Variants in BRINP3 observed in about 807,000 individuals in gnomAD.
BRINP3 encodes the protein BMP/retinoic acid-inducible neural-specific protein 3.
A neutral mutation model predicts 71.0 loss-of-function variants in BRINP3; 19 were observed. The observed-to-expected ratio is 0.27, with a 90% confidence interval of 0.19 to 0.39. The LOEUF is 0.39. Among genes scored for constraint, BRINP3 ranks in the 10% least tolerant of loss-of-function variants. The pLI is 1.00. For synonymous variants in BRINP3, 380 were observed against 337.7 expected, an observed-to-expected ratio of 1.13 and a Z score of -1.37; for missense variants, 959 against 940.8, an observed-to-expected ratio of 1.02 and a Z score of -0.25.
intron 2 of BRINP3, among the ~76,000 whole-genome samples, chr1:190,357,395 T>G (rs1484476216): frequency 1.3e-5 from 2 of 152,020 alleles, no homozygotes; most frequent in Non-Finnish European, 2.9e-5. Flanking sequence ...TTTCATTTAC[T>G]TAACTGTCTA....
At chr1:190,264,173 C>T (rs1258804590) in intron 4 of BRINP3, among the ~76,000 whole-genome samples, 4 of 151,950 alleles carry the variant, frequency 2.6e-5, no homozygotes, top group African/African-American at 9.7e-5. Context: ...ACAATTTCTC[C>T]TCTCTGTCTC....
At chr1:190,404,675 AGTT>A (rs1672145827) in intron 2 of BRINP3, among the ~76,000 whole-genome samples, 1 of 152,198 alleles carries the variant, frequency 6.6e-6, no homozygotes, top group Non-Finnish European at 1.5e-5. Flanking sequence ...AAACCCTGTG[AGTT>A]TGCCAGAGAA....
chr1:190,136,517 T>C (rs1654989591), intron 7 of BRINP3, among the ~76,000 whole-genome samples: 1 of 152,162 alleles, frequency 6.6e-6, no homozygotes, highest in South Asian at 2.1e-4. Context: ...GCTCACCTTC[T>C]TCCCTGCCTT....
chr1:190,184,602 C>G (rs1278678059), intron 6 of BRINP3, among the ~76,000 whole-genome samples: 1 of 152,064 alleles, frequency 6.6e-6, no homozygotes, highest in Non-Finnish European at 1.5e-5. Flanking sequence ...CAGCTGGAGG[C>G]CAATACCCTA....
At chr1:190,446,380 C>G (rs1216983331) in intron 2 of BRINP3, among the ~76,000 whole-genome samples, 1 of 151,910 alleles carries the variant, frequency 6.6e-6, no homozygotes, top group African/African-American at 2.4e-5. Flanking sequence ...TATAGTAAAC[C>G]AACCAACTAG....
At chr1:190,128,788 C>T (rs1654295131) in intron 7 of BRINP3, among the ~76,000 whole-genome samples, 1 of 151,682 alleles carries the variant, frequency 6.6e-6, no homozygotes, top group Non-Finnish European at 1.5e-5. Context: ...TAATGTCTGA[C>T]ATATGTGATG....
chr1:190,248,424 CA>C (rs1421935511), intron 4 of BRINP3, among the ~76,000 whole-genome samples: 2 of 151,394 alleles, frequency 1.3e-5, no homozygotes, highest in Non-Finnish European at 3.0e-5. Flanking sequence ...TATATTTCAC[CA>C]AAAAACTCTA....
At chr1:190,350,879 A>G (rs957127974) in intron 2 of BRINP3, among the ~76,000 whole-genome samples, 5 of 149,972 alleles carry the variant, frequency 3.3e-5, no homozygotes, top group African/African-American at 1.2e-4. Flanking sequence ...CTAGAATGCA[A>G]TGGTGCAAAC....
At chr1:190,322,022 TTA>T (rs1558180540) in intron 2 of BRINP3, among the ~76,000 whole-genome samples, 1 of 152,026 alleles carries the variant, frequency 6.6e-6, no homozygotes, top group African/African-American at 2.4e-5. Flanking sequence ...AAATCTATTT[TTA>T]TATATGTGTG....
intron 2 of BRINP3, among the ~76,000 whole-genome samples, chr1:190,443,240 C>T (rs938902215): frequency 7.2e-5 from 11 of 151,842 alleles, no homozygotes; most frequent in African/African-American, 2.7e-4. Flanking sequence ...TCAGTCTCTA[C>T]TAAAAATATA....
intron 2 of BRINP3, among the ~76,000 whole-genome samples, chr1:190,413,645 A>G (rs1363454534): frequency 6.6e-6 from 1 of 152,162 alleles, no homozygotes; most frequent in African/African-American, 2.4e-5. Context: ...TAGAGTCTTC[A>G]CAGGGAGCAC....
chr1:190,398,498 T>C (rs2102343449), intron 2 of BRINP3, among the ~76,000 whole-genome samples: 1 of 152,048 alleles, frequency 6.6e-6, no homozygotes, highest in East Asian at 1.9e-4. Context: ...AACAAATGAG[T>C]ATACGCATTC....
chr1:190,141,540 CTCTT>C (rs1374702918), intron 7 of BRINP3, among the ~76,000 whole-genome samples: 6 of 145,858 alleles, frequency 4.1e-5, no homozygotes, highest in Non-Finnish European at 7.5e-5. Flanking sequence ...CTTTCTCTCT[CTCTT>C]TCTTTCTTTC....
intron 2 of BRINP3, among the ~76,000 whole-genome samples, chr1:190,438,119 G>T (rs1007942249): frequency 1.3e-5 from 2 of 151,110 alleles, no homozygotes; most frequent in Non-Finnish European, 3.0e-5. Flanking sequence ...TGAATAAAGA[G>T]GAAATGAAGA....
chr1:190,466,781 C>T (rs1027423895), intron 1 of BRINP3, among the ~76,000 whole-genome samples: 40 of 151,226 alleles, frequency 2.6e-4, no homozygotes, highest in African/African-American at 9.0e-4. Flanking sequence ...AACAAGAGAA[C>T]TTGGCATGTA....
chr1:190,273,032 T>C (rs1344153382), intron 3 of BRINP3, among the ~76,000 whole-genome samples: 1 of 148,136 alleles, frequency 6.8e-6, no homozygotes, highest in Non-Finnish European at 1.5e-5. Flanking sequence ...AGAATAGGCC[T>C]TTCTTTCCTG....
intron 1 of BRINP3, among the ~76,000 whole-genome samples, chr1:190,460,039 A>C (rs1434099076): frequency 6.6e-6 from 1 of 152,010 alleles, no homozygotes; most frequent in African/African-American, 2.4e-5. Context: ...ACCATTCTCT[A>C]AATTTCTTCT....
At chr1:190,264,375 C>T (rs1661467750) in intron 4 of BRINP3, among the ~76,000 whole-genome samples, 3 of 152,102 alleles carry the variant, frequency 2.0e-5, no homozygotes, top group South Asian at 2.1e-4. Context: ...TAACCATGCA[C>T]CTGTACATCT....
At chr1:190,347,216 C>T (rs1382995736) in intron 2 of BRINP3, among the ~76,000 whole-genome samples, 1 of 152,134 alleles carries the variant, frequency 6.6e-6, no homozygotes, top group African/African-American at 2.4e-5. Flanking sequence ...TTTCGGTTCA[C>T]TACAACCTCT....
Sources: gnomAD v4.1 joint callset for allele counts (sites outside exome capture counted in the v4.1 genomes callset) on GRCh38, gnomAD v4.1.1 for gene constraint, MANE v1.5 for transcripts, NCBI Gene and HGNC (gene_info 2026-07-23, HGNC 2026-07-21) for gene names.